The following SLC26A11 variants were observed in gnomAD, a reference collection of about 807,000 sequenced individuals.
SLC26A11 encodes the protein sodium-independent sulfate anion transporter.
In SLC26A11, 58 loss-of-function variants were observed where a neutral mutation model predicts 62.2. The ratio of observed to expected loss-of-function variants is 0.93; its 90% CI spans 0.76 to 1.16. The LOEUF is 1.16. SLC26A11 is among the 50% of genes most tolerant of loss of function. SLC26A11 has a pLI of 0.00. For synonymous variants in SLC26A11, 411 were observed against 368.9 expected (o/e 1.11, Z -1.31); for missense variants, 790 against 794.3 (o/e 0.99, Z 0.06).
At chr17:80,233,208 A>C (rs2042605860) in intron 7 of SLC26A11, among the ~76,000 whole-genome samples, 2 of 151,238 alleles carry the variant, frequency 1.3e-5, no homozygotes, top group African/African-American at 4.8e-5. Flanking sequence ...AAGATCCGTC[A>C]CTGAAGCTGC....
chr17:80,240,582 C>T (rs1448525576), intron 9 of SLC26A11, among the ~76,000 whole-genome samples: 4 of 151,712 alleles, frequency 2.6e-5, no homozygotes, highest in African/African-American at 9.7e-5. Flanking sequence ...GTGGGCGGAT[C>T]ACCTGAGGTC....
In SLC26A11 at chr17:80,229,721, C is replaced by T. The variant is rs756777016; in HGVS notation, c.736+1761C>T. Among the ~76,000 whole-genome samples the T allele has an allele frequency of 6.3e-4, 96 of 152,262 alleles. 1 individual carries two copies. The highest frequency in any genetic ancestry group is 2.9e-3 in the Admixed American group (44 of 15,300). On this transcript the variant is annotated intron_variant, in intron 7 of 17. Coordinates refer to ENST00000361193, the MANE Select transcript of SLC26A11 (RefSeq NM_001166347.2). Reference sequence around the variant, plus strand: ...CTGAGATTATAGGCGTGAGCCACTGCGCCTGGCCTATGCCTTGTTATCTTA... The same window carrying T: ...CTGAGATTATAGGCGTGAGCCACTGTGCCTGGCCTATGCCTTGTTATCTTA...
Position 80,246,494 on chromosome 17 carries a change from T to C in SLC26A11, c.1154-15T>C. The C allele has an allele frequency of 6.2e-7, 1 of 1,608,356 alleles. No individual in the cohort carries two copies. Among genetic ancestry groups the C allele is most frequent in the Non-Finnish European group, 8.5e-7 (1 of 1,179,944 alleles). On this transcript the variant is annotated splice_polypyrimidine_tract_variant and intron_variant, in intron 12 of 17. Coordinates refer to ENST00000361193, the MANE Select transcript of SLC26A11 (RefSeq NM_001166347.2). The surrounding 1 kb of genome is among the most constrained non-coding windows in gnomAD (Gnocchi z 4.4). ...CCTGCACTCCCGAGGTCACCTGTGTTCCCGTGCCCCGCAGGAGTGCTGGTG... is the reference window on the plus strand; with the variant it reads ...CCTGCACTCCCGAGGTCACCTGTGTCCCCGTGCCCCGCAGGAGTGCTGGTG...
Position 80,248,679 on chromosome 17 carries a change from A to G in SLC26A11, c.1522+5A>G. On this transcript the variant is annotated splice_donor_5th_base_variant and intron_variant, in intron 15 of 17. Coordinates refer to ENST00000361193, the MANE Select transcript of SLC26A11 (RefSeq NM_001166347.2). ...TCCTAAGCCGGGCCCTGGAAGGTGC[A>G]TGGGCGGGGGTCAAGGTGGTCTGAG... 1 of 1,563,402 alleles carries G rather than the reference A, an allele frequency of 6.4e-7. No individual in the cohort carries two copies. The highest frequency in any genetic ancestry group is 8.7e-7 in the Non-Finnish European group (1 of 1,153,782).
In SLC26A11 at chr17:80,247,663, C is replaced by T. The variant is rs921302323; in HGVS notation, c.1295-467C>T. ...GCCCTGAAACGTGTTCATGTGCCGGCGTGGAATGGGATGGCCGCTGCTGCT... is the reference window on the plus strand; with the variant it reads ...GCCCTGAAACGTGTTCATGTGCCGGTGTGGAATGGGATGGCCGCTGCTGCT... On this transcript the variant is annotated intron_variant, in intron 13 of 17. Transcript: ENST00000361193. Among the ~76,000 whole-genome samples, 3 of 152,188 alleles carry T rather than the reference C, an allele frequency of 2.0e-5. No individual in the cohort carries two copies. In the East Asian group the frequency reaches 5.8e-4, roughly 29 times the overall value.
intron 7 of SLC26A11, among the ~76,000 whole-genome samples, chr17:80,232,693 T>C (rs1210651780): frequency 6.6e-6 from 1 of 152,264 alleles, no homozygotes; most frequent in African/African-American, 2.4e-5. Context: ...AATGTGATTA[T>C]TGGTCTGTTT....
intron 14 of SLC26A11, 151 bp downstream of exon 14, chr17:80,248,408 C>T: frequency 1.5e-6 from 2 of 1,321,260 alleles, no homozygotes; most frequent in Non-Finnish European, 2.0e-6. Flanking sequence ...TGCTATAAAC[C>T]ATGGTGTTCT....
intron 16 of SLC26A11, among the ~76,000 whole-genome samples, chr17:80,249,502 G>T (rs983915181): frequency 4.6e-5 from 7 of 152,250 alleles, no homozygotes; most frequent in African/African-American, 1.7e-4. Flanking sequence ...GCCCTCCGAG[G>T]GGTCACGTTA....
In SLC26A11 at chr17:80,223,234, C is replaced by T. The variant is rs772130174; in HGVS notation, c.428-18C>T. The T allele has an allele frequency of 1.9e-6, 3 of 1,611,648 alleles. No homozygotes were observed. In the South Asian group the frequency reaches 3.3e-5, roughly 18 times the overall value. On this transcript the variant is annotated intron_variant, in intron 4 of 17. Coordinates refer to ENST00000361193, the MANE Select transcript of SLC26A11 (RefSeq NM_001166347.2). The surrounding 1 kb of genome is among the most constrained non-coding windows in gnomAD (Gnocchi z 4.6). ...GGTGGAGCCGGGACCAGCTCGATGT[C>T]CCCTCTTGGCTGGCCAGGGTTCCTG... is the stretch of plus-strand genomic sequence containing the variant.
chr17:80,221,380 C>G, intron 2 of SLC26A11, 168 bp from the exon 3 acceptor site: 1 of 561,640 alleles, frequency 1.8e-6, no homozygotes, highest in South Asian at 2.4e-5. Context: ...AGTCTTGGCC[C>G]AGTCCCCATC....
chr17:80,224,308 TGA>T (rs746099228), intron 5 of SLC26A11, among the ~76,000 whole-genome samples: 121 of 128,930 alleles, frequency 9.4e-4, no homozygotes, highest in African/African-American at 2.7e-3. Flanking sequence ...CGTGTGTGTG[TGA>T]GAGAGTGTGA....
rs2042451733 is a variant in SLC26A11 at position 80,227,804 on chromosome 17, C to T, written c.594-14C>T. The T allele has an allele frequency of 6.2e-7, 1 of 1,603,436 alleles. No homozygotes were observed. Reference sequence around the variant, plus strand: ...GCCGAGCTGGGTGGTGACCAGTCCTCTGCCTGTCCACAGGGTAGGTGACGC... The same window carrying T: ...GCCGAGCTGGGTGGTGACCAGTCCTTTGCCTGTCCACAGGGTAGGTGACGC... On this transcript the variant is annotated splice_polypyrimidine_tract_variant and intron_variant, in intron 6 of 17. Coordinates refer to ENST00000361193, the MANE Select transcript of SLC26A11 (RefSeq NM_001166347.2).
chr17:80,244,914 G>A (rs1277732985), intron 10 of SLC26A11, among the ~76,000 whole-genome samples: 2 of 146,796 alleles, frequency 1.4e-5, no homozygotes, highest in African/African-American at 2.5e-5. Context: ...GGCGGAGGCT[G>A]CAGTGAGCTG....
intron 5 of SLC26A11, among the ~76,000 whole-genome samples, chr17:80,224,437 G>C (rs541871754): frequency 8.3e-6 from 1 of 119,806 alleles, no homozygotes; most frequent in Non-Finnish European, 1.7e-5. Flanking sequence ...GTGGGTGTGG[G>C]TGTGAGAGTG....
Position 80,252,785 on chromosome 17 carries a change from C to A in SLC26A11, c.*69C>A. 1.4e-6 allele frequency: 2 copies of A among 1,381,170 alleles called. No individual in the cohort carries two copies. The highest frequency in any genetic ancestry group is 2.0e-6 in the Non-Finnish European group (2 of 983,700). 85.6% of individuals were successfully genotyped at this position (1,381,170 alleles called of 1,614,324 possible). ...AGGTTCTTGTCACTGTGATTGGATG[C>A]TGGATGCCGCCTGATAGACATGCTG... On this transcript the variant is annotated 3_prime_UTR_variant, in exon 18 of 18. Coordinates refer to ENST00000361193, the MANE Select transcript of SLC26A11 (RefSeq NM_001166347.2). The surrounding 1 kb of genome is among the most constrained non-coding windows in gnomAD (Gnocchi z 5.2).
intron 8 of SLC26A11, 38 bp downstream of exon 8, chr17:80,237,141 C>T (rs1335802669): frequency 6.3e-7 from 1 of 1,593,534 alleles, no homozygotes; most frequent in South Asian, 1.1e-5. Flanking sequence ...GTGGCTGAGG[C>T]TGCGGTGGCC....
intron 7 of SLC26A11, among the ~76,000 whole-genome samples, chr17:80,236,618 A>G (rs1344542591): frequency 2.0e-5 from 3 of 152,076 alleles, no homozygotes; most frequent in Non-Finnish European, 4.4e-5. Context: ...TTGTGCTTTG[A>G]GGTGGATGTG....
At chr17:80,245,829 A>G (rs6420490) in intron 11 of SLC26A11, among the ~76,000 whole-genome samples, 111,073 of 152,128 alleles carry the variant, frequency 0.73, 41,362 homozygotes, top group East Asian at 0.98. Flanking sequence ...AGGAGGCGTC[A>G]CCTGGCACTG....
intron 10 of SLC26A11, 41 bp downstream of exon 10, chr17:80,241,862 C>T (rs781534413): frequency 1.2e-6 from 2 of 1,608,774 alleles, no homozygotes; most frequent in Middle Eastern, 1.7e-4. Flanking sequence ...CAGCTGTGGG[C>T]CTCCAGGGTC....
Sources: allele counts gnomAD v4.1 joint callset (sites outside exome capture counted in the v4.1 genomes callset), GRCh38; gene constraint gnomAD v4.1.1; non-coding constraint Gnocchi (gnomAD v3.1); transcripts MANE v1.5; gene names NCBI Gene and HGNC (gene_info 2026-07-23, HGNC 2026-07-21).